Variants in PTPRT observed in about 807,000 individuals in gnomAD.
PTPRT encodes the protein receptor-type tyrosine-protein phosphatase T.
Under a neutral mutation model 176.8 loss-of-function variants are expected in PTPRT, and 56 were observed. The observed-to-expected ratio is 0.32, with a 90% CI of 0.26 to 0.40. PTPRT has a LOEUF of 0.40. PTPRT is among the 10% of genes least tolerant of loss of function. PTPRT has a pLI of 1.00. For synonymous variants in PTPRT, 783 were observed against 739.0 expected (o/e 1.06, Z -0.96); for missense variants, 1,540 against 1,908.2 (o/e 0.81, Z 3.60).
downstream of PTPRT, among the ~76,000 whole-genome samples, chr20:42,071,506 T>G (rs1350030577): frequency 1.3e-5 from 2 of 152,136 alleles, no homozygotes; most frequent in African/African-American, 4.8e-5. Flanking sequence ...GCTCCTATCC[T>G]GGACCTATTG....
At chr20:42,834,788 T>C (rs771051722) in intron 2 of PTPRT, among the ~76,000 whole-genome samples, 2 of 152,148 alleles carry the variant, frequency 1.3e-5, no homozygotes, top group African/African-American at 2.4e-5. Context: ...TCTACACATT[T>C]GTCTAAACCC....
intron 1 of PTPRT, among the ~76,000 whole-genome samples, chr20:42,932,636 C>T (rs1979933978): frequency 6.6e-6 from 1 of 152,148 alleles, no homozygotes; most frequent in Non-Finnish European, 1.5e-5. Flanking sequence ...AGAACTTTCC[C>T]AGTTTCTGCA....
intron 2 of PTPRT, among the ~76,000 whole-genome samples, chr20:42,870,834 GTTTA>G (rs991729093): frequency 6.6e-6 from 1 of 151,986 alleles, no homozygotes; most frequent in African/African-American, 2.4e-5. Flanking sequence ...GATGCTTGAC[GTTTA>G]TTTCTTTTTG....
chr20:42,287,374 T>C (rs1269040973), intron 12 of PTPRT, among the ~76,000 whole-genome samples: 2 of 151,926 alleles, frequency 1.3e-5, no homozygotes, highest in African/African-American at 4.8e-5. Context: ...GTGGTATATA[T>C]ACAACAAGGA....
intron 7 of PTPRT, among the ~76,000 whole-genome samples, chr20:42,562,506 G>T (rs2072969044): frequency 6.6e-6 from 1 of 152,148 alleles, no homozygotes; most frequent in African/African-American, 2.4e-5. Context: ...ATTCTACTTT[G>T]GATGTCATTT....
intron 1 of PTPRT, among the ~76,000 whole-genome samples, chr20:43,187,041 T>G (rs1448359471): frequency 6.6e-6 from 1 of 152,224 alleles, no homozygotes. Flanking sequence ...TGTTTGATTT[T>G]TACTATCATT....
intron 1 of PTPRT, among the ~76,000 whole-genome samples, chr20:42,999,615 T>G (rs111882774): frequency 0.093 from 13,991 of 150,458 alleles, 807 homozygotes; most frequent in Middle Eastern, 0.17. Context: ...TGGTTTTTTT[T>G]TTGTTGTTGT....
intron 7 of PTPRT, among the ~76,000 whole-genome samples, chr20:42,632,992 C>G (rs1569036356): frequency 6.6e-6 from 1 of 152,130 alleles, no homozygotes; most frequent in African/African-American, 2.4e-5. Flanking sequence ...TTAGGAAGTA[C>G]CCAGCCAAGC....
At chr20:42,451,762 C>T (rs184278410) in intron 8 of PTPRT, among the ~76,000 whole-genome samples, 77 of 152,164 alleles carry the variant, frequency 5.1e-4, no homozygotes, top group African/African-American at 1.8e-3. Context: ...CAAGGTGACT[C>T]GTGAGCCAAG....
chr20:42,433,369 G>A (rs2059232700), intron 9 of PTPRT, among the ~76,000 whole-genome samples: 1 of 152,180 alleles, frequency 6.6e-6, no homozygotes, highest in Non-Finnish European at 1.5e-5. Context: ...TGAGGGCAGA[G>A]CTTCACCTAT....
chr20:42,320,980 A>C (rs773247253), intron 11 of PTPRT, among the ~76,000 whole-genome samples: 1 of 152,178 alleles, frequency 6.6e-6, no homozygotes, highest in Non-Finnish European at 1.5e-5. Context: ...CACACAGCAG[A>C]AAAGGGGAGG....
At chr20:42,319,903 A>T (rs946328164) in intron 11 of PTPRT, among the ~76,000 whole-genome samples, 6 of 152,192 alleles carry the variant, frequency 3.9e-5, no homozygotes, top group Admixed American at 3.9e-4. Context: ...ATCTATTCAG[A>T]ATCATTTTTA....
intron 6 of PTPRT, among the ~76,000 whole-genome samples, chr20:42,748,364 TTTAC>T (rs567183972): frequency 5.8e-4 from 89 of 152,262 alleles, no homozygotes; most frequent in African/African-American, 2.1e-3. Context: ...CCAGCTCCTC[TTTAC>T]TTCTGAGGAC....
At chr20:42,500,281 A>G (rs1260219830) in intron 7 of PTPRT, among the ~76,000 whole-genome samples, 1 of 152,048 alleles carries the variant, frequency 6.6e-6, no homozygotes, top group Non-Finnish European at 1.5e-5. Context: ...ATCAAGAAAG[A>G]TGTTACCAGA....
At chr20:43,109,142 G>A (rs2012751977) in intron 1 of PTPRT, among the ~76,000 whole-genome samples, 1 of 152,108 alleles carries the variant, frequency 6.6e-6, no homozygotes, top group Non-Finnish European at 1.5e-5. Context: ...ATAAAGCAAT[G>A]GATAGGCGGC....
intron 18 of PTPRT, among the ~76,000 whole-genome samples, chr20:42,139,285 A>C (rs1295031880): frequency 1.3e-5 from 2 of 152,136 alleles, no homozygotes; most frequent in African/African-American, 4.8e-5. Flanking sequence ...ATTCTGGTTT[A>C]TTTAAACCCA....
intron 6 of PTPRT, among the ~76,000 whole-genome samples, chr20:42,706,157 TTA>T (rs1470138061): frequency 2.6e-5 from 3 of 115,234 alleles, no homozygotes; most frequent in Admixed American, 8.3e-5. Flanking sequence ...TTGTCTCTCT[TTA>T]TCTCTCTCTC....
intron 2 of PTPRT, among the ~76,000 whole-genome samples, chr20:42,815,679 A>G (rs1198009511): frequency 6.6e-6 from 1 of 152,188 alleles, no homozygotes; most frequent in Non-Finnish European, 1.5e-5. Flanking sequence ...GCCTCTCTGA[A>G]ATGATCATAA....
intron 7 of PTPRT, among the ~76,000 whole-genome samples, chr20:42,601,709 C>T (rs1204885754): frequency 6.6e-6 from 1 of 152,144 alleles, no homozygotes; most frequent in Non-Finnish European, 1.5e-5. Flanking sequence ...ATCAATAAAT[C>T]ATTACTAAAT....
Sources: gnomAD v4.1 joint callset for allele counts (sites outside exome capture counted in the v4.1 genomes callset) on GRCh38, gnomAD v4.1.1 for gene constraint, MANE v1.5 for transcripts, NCBI Gene and HGNC (gene_info 2026-07-23, HGNC 2026-07-21) for gene names.